Variants in EXOC4 observed in about 807,000 individuals in gnomAD.
EXOC4 encodes exocyst complex component 4.
A neutral mutation model predicts 107.2 loss-of-function variants in EXOC4; 71 were observed. That is an observed-to-expected ratio of 0.66 (90% CI 0.55 to 0.81). The LOEUF is 0.81. Ranked by LOEUF, EXOC4 falls within the 30% of genes least tolerant of loss-of-function variation. The pLI is 0.00. For synonymous variants in EXOC4, 456 were observed against 441.2 expected, an observed-to-expected ratio of 1.03 and a Z score of -0.42; for missense variants, 1,108 against 1,189.6, an observed-to-expected ratio of 0.93 and a Z score of 1.01.
chr7:133,398,856 G>T (rs1350202040), intron 7 of EXOC4, among the ~76,000 whole-genome samples: 1 of 152,190 alleles, frequency 6.6e-6, no homozygotes, highest in Non-Finnish European at 1.5e-5. Flanking sequence ...CTCTGGCTTA[G>T]TTAGTATCTC....
chr7:133,380,642 TTTTATAG>T (rs1417051037), intron 7 of EXOC4, among the ~76,000 whole-genome samples: 4 of 152,116 alleles, frequency 2.6e-5, no homozygotes, highest in Admixed American at 1.3e-4. Flanking sequence ...TCCTTGGAAA[TTTTATAG>T]TTTAAGAGAA....
At chr7:133,574,231 A>ATATG (rs2150961620) in intron 9 of EXOC4, among the ~76,000 whole-genome samples, 1 of 152,322 alleles carries the variant, frequency 6.6e-6, no homozygotes, top group South Asian at 2.1e-4. Context: ...ACATGCATGT[A>ATATG]TATGTATACA....
chr7:133,450,523 A>G (rs1046397057), intron 7 of EXOC4, among the ~76,000 whole-genome samples: 65 of 152,218 alleles, frequency 4.3e-4, no homozygotes, highest in African/African-American at 1.5e-3. Flanking sequence ...CTCATTCTCA[A>G]ATGAGAGGAA....
At chr7:134,000,371 G>A (rs1794504422) in intron 15 of EXOC4, among the ~76,000 whole-genome samples, 2 of 152,210 alleles carry the variant, frequency 1.3e-5, no homozygotes, top group South Asian at 4.1e-4. Flanking sequence ...AAGTGCTCTG[G>A]GGGCGTGACT....
intron 2 of EXOC4, among the ~76,000 whole-genome samples, chr7:133,278,126 A>G (rs953270187): frequency 6.6e-6 from 1 of 152,184 alleles, no homozygotes; most frequent in Non-Finnish European, 1.5e-5. Context: ...GGCTGCACAA[A>G]TGGGAAACAC....
intron 12 of EXOC4, among the ~76,000 whole-genome samples, chr7:133,906,991 G>T (rs866695447): frequency 2.0e-4 from 31 of 152,266 alleles, no homozygotes; most frequent in African/African-American, 6.7e-4. Flanking sequence ...CCAGGTCAGA[G>T]AACACGAGGC....
At chr7:133,689,970 A>C (rs890420400) in intron 10 of EXOC4, among the ~76,000 whole-genome samples, 1 of 152,246 alleles carries the variant, frequency 6.6e-6, no homozygotes, top group Non-Finnish European at 1.5e-5. Context: ...TGTGGAAAAC[A>C]AAAACAGACT....
intron 7 of EXOC4, among the ~76,000 whole-genome samples, chr7:133,380,575 G>C (rs1796595292): frequency 6.6e-6 from 1 of 152,002 alleles, no homozygotes; most frequent in Non-Finnish European, 1.5e-5. Flanking sequence ...TTTTGGAAAT[G>C]ACTTATTTTT....
the EXOC4 span, among the ~76,000 whole-genome samples, chr7:134,092,648 A>G: frequency 6.6e-6 from 1 of 152,314 alleles, no homozygotes; most frequent in East Asian, 1.9e-4. Flanking sequence ...TCTTTTCCAG[A>G]CAAGAAAGTG....
chr7:133,767,666 CAG>C (rs958478333), intron 10 of EXOC4, among the ~76,000 whole-genome samples: 4 of 151,936 alleles, frequency 2.6e-5, no homozygotes, highest in Non-Finnish European at 5.9e-5. Flanking sequence ...TTATGTGAAA[CAG>C]AGAAAGGGGT....
chr7:133,627,297 C>T (rs545441245), intron 9 of EXOC4, among the ~76,000 whole-genome samples: 1 of 152,238 alleles, frequency 6.6e-6, no homozygotes, highest in Admixed American at 6.5e-5. Flanking sequence ...CATAGAGGTG[C>T]GCATGCATAG....
intron 11 of EXOC4, among the ~76,000 whole-genome samples, chr7:133,818,675 G>C (rs1246918101): frequency 1.3e-5 from 2 of 152,132 alleles, no homozygotes; most frequent in Non-Finnish European, 2.9e-5. Context: ...GAACGTGCTT[G>C]CTCTTCCTTC....
chr7:134,064,188 A>T, intron 17 of EXOC4, 103 bp from the exon 18 acceptor site: 1 of 677,146 alleles, frequency 1.5e-6, no homozygotes, highest in Non-Finnish European at 2.3e-6. Context: ...ATCAATCGTT[A>T]TGAAGTAAGT....
At chr7:133,742,728 G>A (rs1375447737) in intron 10 of EXOC4, among the ~76,000 whole-genome samples, 2 of 152,098 alleles carry the variant, frequency 1.3e-5, no homozygotes, top group Non-Finnish European at 2.9e-5. Flanking sequence ...CCCCCAAGTT[G>A]AGACTTTGAA....
intron 7 of EXOC4, among the ~76,000 whole-genome samples, chr7:133,455,877 C>T (rs1167701093): frequency 6.6e-6 from 1 of 152,136 alleles, no homozygotes; most frequent in Non-Finnish European, 1.5e-5. Context: ...CAACTCTTGC[C>T]ATGTCTATTG....
intron 6 of EXOC4, among the ~76,000 whole-genome samples, chr7:133,370,993 A>G (rs556679201): frequency 6.6e-6 from 1 of 152,354 alleles, no homozygotes; most frequent in East Asian, 1.9e-4. Flanking sequence ...GCTGGGAAAG[A>G]ATGGAAATCT....
chr7:133,795,579 A>G (rs1796796792), intron 10 of EXOC4, among the ~76,000 whole-genome samples: 1 of 152,198 alleles, frequency 6.6e-6, no homozygotes, highest in Non-Finnish European at 1.5e-5. Flanking sequence ...CCAGGCCAGA[A>G]TCCAGGTCTT....
At chr7:134,059,102 C>T (rs1348701670) in intron 17 of EXOC4, among the ~76,000 whole-genome samples, 1 of 152,134 alleles carries the variant, frequency 6.6e-6, no homozygotes, top group Non-Finnish European at 1.5e-5. Context: ...CCTCAGAGAC[C>T]TTGGACAGTT....
At chr7:133,583,669 A>C (rs1801330733) in intron 9 of EXOC4, among the ~76,000 whole-genome samples, 1 of 152,218 alleles carries the variant, frequency 6.6e-6, no homozygotes, top group Non-Finnish European at 1.5e-5. Flanking sequence ...GTCTAGGAGA[A>C]AAAAAAGTGA....
Sources: allele counts gnomAD v4.1 joint callset (sites outside exome capture counted in the v4.1 genomes callset), GRCh38; gene constraint gnomAD v4.1.1; transcripts MANE v1.5; gene names NCBI Gene and HGNC (gene_info 2026-07-23, HGNC 2026-07-21).